Variants in FHIT observed in about 807,000 individuals in gnomAD.
FHIT encodes the protein bis(5'-adenosyl)-triphosphatase.
Under a neutral mutation model 17.9 loss-of-function variants are expected in FHIT, and 19 were observed. The observed-to-expected ratio is 1.06, with a 90% CI of 0.74 to 1.56. FHIT has a LOEUF of 1.56. FHIT is among the 40% of genes most tolerant of loss of function. The probability of loss-of-function intolerance (pLI) is 0.00; values close to 1 mark genes in which losing one functional copy is unlikely to be tolerated. For synonymous variants in FHIT, 81 were observed against 69.7 expected (o/e 1.16, Z -0.81); for missense variants, 248 against 189.2 (o/e 1.31, Z -1.82).
intron 3 of FHIT, among the ~76,000 whole-genome samples, chr3:60,905,463 A>T (rs1706357940): frequency 6.6e-6 from 1 of 152,170 alleles, no homozygotes. Flanking sequence ...ACTTACCAGC[A>T]ATGTCAGTTA....
At chr3:60,266,811 A>G (rs2107619400) in intron 5 of FHIT, among the ~76,000 whole-genome samples, 1 of 152,220 alleles carries the variant, frequency 6.6e-6, no homozygotes, top group Admixed American at 6.6e-5. Flanking sequence ...CCAGAAGTGC[A>G]TGAACATCTT....
intron 5 of FHIT, among the ~76,000 whole-genome samples, chr3:60,014,509 C>G (rs1400788608): frequency 6.6e-6 from 1 of 152,208 alleles, no homozygotes; most frequent in African/African-American, 2.4e-5. Flanking sequence ...TCCGCTTCAG[C>G]AGCCAAAGGC....
At chr3:59,783,394 C>T (rs938100524) in intron 8 of FHIT, among the ~76,000 whole-genome samples, 4 of 152,024 alleles carry the variant, frequency 2.6e-5, no homozygotes, top group East Asian at 3.9e-4. Flanking sequence ...GCTTGAACTC[C>T]GGAGGTGTAG....
intron 5 of FHIT, among the ~76,000 whole-genome samples, chr3:60,505,707 C>T (rs2034701636): frequency 6.6e-6 from 1 of 151,982 alleles, no homozygotes; most frequent in Admixed American, 6.6e-5. Context: ...GTGGTAAATC[C>T]CAGAAAGCTG....
intron 4 of FHIT, among the ~76,000 whole-genome samples, chr3:60,610,901 C>A (rs1325427638): frequency 1.3e-5 from 2 of 152,162 alleles, no homozygotes; most frequent in Admixed American, 1.3e-4. Context: ...AGCAGGCCGA[C>A]CCTGGCTCCA....
At chr3:60,217,533 C>G (rs1457362435) in intron 5 of FHIT, among the ~76,000 whole-genome samples, 1 of 152,200 alleles carries the variant, frequency 6.6e-6, no homozygotes, top group Non-Finnish European at 1.5e-5. Flanking sequence ...CAAATTGGGT[C>G]ATATCACCCT....
intron 5 of FHIT, among the ~76,000 whole-genome samples, chr3:60,248,353 T>C (rs1705511506): frequency 6.6e-6 from 1 of 152,138 alleles, no homozygotes; most frequent in Non-Finnish European, 1.5e-5. Context: ...CAACTGGGGA[T>C]CTGTGAAATA....
At chr3:61,093,638 C>T (rs1300867493) in intron 2 of FHIT, among the ~76,000 whole-genome samples, 3 of 152,320 alleles carry the variant, frequency 2.0e-5, no homozygotes, top group South Asian at 4.1e-4. Context: ...ATTAGATTGA[C>T]AGGCATCTGC....
intron 2 of FHIT, among the ~76,000 whole-genome samples, chr3:61,121,457 T>C (rs1427380699): frequency 6.6e-6 from 1 of 151,968 alleles, no homozygotes; most frequent in African/African-American, 2.4e-5. Context: ...TTAAAGAATT[T>C]TCTACCCAGA....
In FHIT at chr3:60,631,270, C is replaced by G. The variant is rs569483139; in HGVS notation, c.-17-94291G>C. 2.6e-5 allele frequency among the ~76,000 whole-genome samples: 4 copies of G among 152,176 alleles called. No homozygotes were observed. In the South Asian group the frequency reaches 8.3e-4, roughly 32 times the overall value. On this transcript the variant is annotated intron_variant, in intron 4 of 9. Transcript: ENST00000492590. The stretch of plus-strand genomic sequence containing the variant: ...TAATATCATTTTGATTTGGGTTGTA[C>G]TAGGCTGGGGAAGCCAGATTACATT...
chr3:60,268,018 T>C (rs1706673761), intron 5 of FHIT, among the ~76,000 whole-genome samples: 1 of 152,180 alleles, frequency 6.6e-6, no homozygotes, highest in Non-Finnish European at 1.5e-5. Context: ...AGGTTTTGTA[T>C]CTTACTGAAA....
intron 2 of FHIT, among the ~76,000 whole-genome samples, chr3:61,072,062 A>G (rs776918056): frequency 6.6e-6 from 1 of 152,168 alleles, no homozygotes; most frequent in Non-Finnish European, 1.5e-5. Flanking sequence ...AGAGCCAGAA[A>G]CATTTGGATT....
Position 60,618,430 on chromosome 3 carries a change from C to T in FHIT, c.-17-81451G>A, listed in dbSNP as rs554463364. On this transcript the variant is annotated intron_variant, in intron 4 of 9. Transcript: ENST00000492590. ...TTAGTTACTCTTCCTTATGCTCTCC[C>T]TCCCAGCAGCACCCCTCCAACAGGC... Among the ~76,000 whole-genome samples, 6 of 152,274 alleles carry T rather than the reference C, an allele frequency of 3.9e-5. No individual in the cohort carries two copies. In the East Asian group the frequency reaches 1.2e-3, roughly 29 times the overall value.
chr3:60,468,285 T>C (rs1304826920), intron 5 of FHIT, among the ~76,000 whole-genome samples: 1 of 152,158 alleles, frequency 6.6e-6, no homozygotes, highest in Non-Finnish European at 1.5e-5. Context: ...GTTTAGTCCA[T>C]TTACATTCAA....
intron 5 of FHIT, among the ~76,000 whole-genome samples, chr3:60,041,754 T>C (rs1298920206): frequency 6.6e-6 from 1 of 152,224 alleles, no homozygotes. Context: ...CATACCTTCA[T>C]ACATGAAATT....
intron 5 of FHIT, among the ~76,000 whole-genome samples, chr3:60,071,812 G>T (rs955886367): frequency 6.6e-6 from 1 of 152,170 alleles, no homozygotes; most frequent in Non-Finnish European, 1.5e-5. Context: ...ATTGACCCAT[G>T]GGGGCAGTTC....
At position 60,924,649 on chromosome 3, in the gene FHIT, G is replaced by T. The variant is rs868918526; in HGVS notation, c.-110-102638C>A. Reference sequence around the variant, plus strand: ...AACTGGAAACTCTAAAAATCAGAGCGCCTCTCCTCCTCGAAAGGAACGCAG... The same window carrying T: ...AACTGGAAACTCTAAAAATCAGAGCTCCTCTCCTCCTCGAAAGGAACGCAG... On this transcript the variant is annotated intron_variant, in intron 3 of 9. Coordinates refer to ENST00000492590, the MANE Select transcript of FHIT (RefSeq NM_002012.4). 3.3e-5 allele frequency among the ~76,000 whole-genome samples: 5 copies of T among 152,094 alleles called. 1 individual carries two copies. Among genetic ancestry groups the T allele is most frequent in the Admixed American group, 3.3e-4 (5 of 15,274 alleles).
At chr3:60,206,890 A>G (rs1576308596) in intron 5 of FHIT, among the ~76,000 whole-genome samples, 1 of 152,284 alleles carries the variant, frequency 6.6e-6, no homozygotes, top group East Asian at 1.9e-4. Flanking sequence ...TTACTATTCT[A>G]GTTTAATTTC....
rs78322969 is a variant in FHIT, at chr3:60,671,194, T to C, written c.-17-134215A>G. 9.3e-3 allele frequency among the ~76,000 whole-genome samples: 1,422 copies of C among 152,300 alleles called. 30 individuals are homozygous for C. The highest frequency in any genetic ancestry group is 0.032 in the African/African-American group (1,344 of 41,552). On this transcript the variant is annotated intron_variant, in intron 4 of 9. Transcript: ENST00000492590. ...TGGATTACCCTCAGAATACCCTTGA[T>C]AAAAGCTTTCAAAATTTTCCTTTAC...
Sources: gnomAD v4.1 joint callset for allele counts (sites outside exome capture counted in the v4.1 genomes callset) on GRCh38, gnomAD v4.1.1 for gene constraint, MANE v1.5 for transcripts, NCBI Gene and HGNC (gene_info 2026-07-23, HGNC 2026-07-21) for gene names.